CEP72: variants seen among roughly 807,000 people sequenced by gnomAD.
The protein encoded by CEP72 is centrosomal protein 72, also known as centrosomal protein of 72 kDa.
In CEP72, 78 loss-of-function variants were observed where a neutral mutation model predicts 65.7. That is an observed-to-expected ratio of 1.19 (90% confidence interval 0.99 to 1.43). The LOEUF is 1.43. Ranked by LOEUF, CEP72 falls within the 40% of genes most tolerant of loss-of-function variation. The pLI is 0.00. For synonymous variants in CEP72, 358 were observed against 351.7 expected (o/e 1.02, Z -0.20); for missense variants, 914 against 832.9 (o/e 1.10, Z -1.20).
chr5:617,928 G>A (rs2126730970), intron 1 of CEP72, among the ~76,000 whole-genome samples: 1 of 152,326 alleles, frequency 6.6e-6, no homozygotes, highest in East Asian at 1.9e-4. Flanking sequence ...AAGTATTGAT[G>A]TATTCGGATC....
At chr5:657,288 G>A (rs61467544), downstream of CEP72, among the ~76,000 whole-genome samples, 1,493 of 152,196 alleles carry the variant, frequency 9.8e-3, 29 homozygotes, top group African/African-American at 0.034. Context: ...TAAGACTCTC[G>A]GGCAGCATCT....
In CEP72 at chr5:639,233, G is replaced by A; in HGVS notation, c.1342+9G>A. 6.4e-7 allele frequency: 1 copy of A among 1,562,686 alleles called. No homozygotes were observed. The highest frequency in any genetic ancestry group is 8.7e-7 in the Non-Finnish European group (1 of 1,149,276). On this transcript the variant is annotated intron_variant, in intron 8 of 11. Coordinates refer to ENST00000264935, the MANE Select transcript of CEP72 (RefSeq NM_018140.4). ...CAACGAGGCATTCCTTGGTGAGTCA[G>A]GGCGGCCACTGCTCTTGCCCTGTAG...
At position 612,418 on chromosome 5, in the gene CEP72, C is replaced by G. The variant is rs957991968; in HGVS notation, c.57C>G (p.Ser19Arg). Reference protein sequence around the residue: ...VLSEEAVRAKSGLGPHRDLAE... With the variant: ...VLSEEAVRAKRGLGPHRDLAE... ...GCGAGGAGGCGGTTCGGGCGAAGAG[C>G]GGCTTAGGGCCTCACCGCGACCTGG... The change falls in exon 1 of 12, where the codon AGC becomes AGG. Residue 19 changes from serine to arginine, a missense_variant. Ser to Arg is a moderately radical substitution (Grantham distance 110). Transcript: ENST00000264935. 7.4e-6 allele frequency: 11 copies of G among 1,481,618 alleles called. No homozygotes were observed. The highest frequency in any genetic ancestry group is 9.8e-6 in the Non-Finnish European group (11 of 1,120,822). The allele number at this position is 1,481,618 out of a possible 1,614,324, so 91.8% of individuals were successfully genotyped here. A position where few individuals can be genotyped will look rare whatever the true frequency, so the allele number is the denominator to read the frequency against.
chr5:651,059 TG>T (rs145712609), intron 11 of CEP72, among the ~76,000 whole-genome samples: 11 of 49,154 alleles, frequency 2.2e-4, no homozygotes, highest in Admixed American at 2.2e-4. Flanking sequence ...CTGTGAGGTG[TG>T]GACTGTGAGG....
At position 639,099 on chromosome 5, in the gene CEP72, G is replaced by C; in HGVS notation, c.1217G>C (p.Gly406Ala). ...TTGTTTCCATCACAGCCGTCTCCCG[G>C]GTCACACTCGGCTCTACCCGGGAAG... ...GVTDTREPSP[G>A]SHSALPGKKT... Residue 406 changes from glycine (G) to alanine (A), a missense_variant, in exon 8 of 12, where the codon GGG becomes GCG. Transcript: ENST00000264935. 6.2e-7 allele frequency: 1 copy of C among 1,613,358 alleles called. No homozygotes were observed. The highest frequency in any genetic ancestry group is 1.7e-5 in the Admixed American group (1 of 60,010).
Position 624,480 on chromosome 5 carries a change from C to G in CEP72, c.413C>G (p.Pro138Arg), listed in dbSNP as rs1226048853. The G allele has an allele frequency of 6.2e-7, 1 of 1,613,820 alleles. No homozygotes were observed. Among genetic ancestry groups the G allele is most frequent in the African/African-American group, 1.3e-5 (1 of 74,926 alleles). The change falls in exon 4 of 12, where the codon CCC (proline) becomes CGC (arginine). Residue 138 changes from proline to arginine, a missense_variant. Transcript: ENST00000264935. This position sits in a 1 kb window ranked among gnomAD's most constrained non-coding sequence, Gnocchi z 4.7. The part of the protein sequence containing the change: ...LPKLQQLDDR[P>R]VRASERKASR... ...TGGCCTTTTCTTCTAGACGATCGCC[C>G]CGTGAGAGCAAGCGAGCGGAAGGCT...
chr5:658,726 T>G (rs1260633839), downstream of CEP72, among the ~76,000 whole-genome samples: 1 of 131,334 alleles, frequency 7.6e-6, no homozygotes, highest in East Asian at 2.7e-4. Flanking sequence ...TGGAGTGCAG[T>G]GGCGTGATCT....
At chr5:644,563 C>CAG in intron 10 of CEP72, 138 bp downstream of exon 10, 3 of 1,010,290 alleles carry the variant, frequency 3.0e-6, no homozygotes, top group Non-Finnish European at 3.0e-6. Context: ...GAGCCCCTGC[C>CAG]TCACTGGCTG....
At chr5:675,869 CCT>C in the CEP72 span, 1 of 152,168 alleles carries the variant, frequency 6.6e-6, no homozygotes, top group African/African-American at 2.4e-5. Flanking sequence ...GCCACAGCCT[CCT>C]CTCACACCGG....
In CEP72 at chr5:664,885, C is replaced by T. The variant is rs1580070211; in HGVS notation, n.288-295C>T. 1.5e-5 allele frequency: 9 copies of T among 585,210 alleles called. No individual in the cohort carries two copies. The Middle Eastern group carries it at 1.8e-3, about 120-fold the overall frequency. 36.3% of individuals were successfully genotyped at this position (585,210 alleles called of 1,614,324 possible). ...GACGAGGCAGGTGTATTAGGAGGGT[C>T]AGCGAACTGGGGCCCAAACCTGGTT... is the stretch of plus-strand genomic sequence containing the variant. On this transcript the variant is annotated intron_variant and non_coding_transcript_variant, in intron 2 of 4. Coordinates refer to the CEP72 transcript ENST00000514507.
chr5:666,188 G>A, intron 4 of CEP72: 1 of 1,569,488 alleles, frequency 6.4e-7, no homozygotes, highest in Non-Finnish European at 8.6e-7. Context: ...CCCCACGCGT[G>A]GGTCTGAGCA....
At chr5:668,017 C>T (rs1168033542), downstream of CEP72, among the ~76,000 whole-genome samples, 2 of 43,918 alleles carry the variant, frequency 4.6e-5, no homozygotes, top group Admixed American at 4.8e-4. Context: ...GAAGTACCGA[C>T]AAGCACACAG....
Position 624,607 on chromosome 5 carries a change from A to G in CEP72, c.512+28A>G, listed in dbSNP as rs771353364. On this transcript the variant is annotated intron_variant, in intron 4 of 11. Coordinates refer to ENST00000264935, the MANE Select transcript of CEP72 (RefSeq NM_018140.4). The surrounding 1 kb of genome is among the most constrained non-coding windows in gnomAD (Gnocchi z 4.7). ...ATGAACGGAAGTGCTACGGACACCC[A>G]GAGTGTTTCTGACTGGCCTGCTGTC... is the stretch of plus-strand genomic sequence containing the variant. 2 of 1,486,168 alleles carry G rather than the reference A, an allele frequency of 1.3e-6. No homozygotes were observed. The highest frequency in any genetic ancestry group is 2.3e-5 in the South Asian group (2 of 88,504). The allele number at this position is 1,486,168 out of a possible 1,614,324, so 92.1% of individuals were successfully genotyped here.
intron 10 of CEP72, among the ~76,000 whole-genome samples, chr5:646,842 A>G (rs1738460810): frequency 4.6e-5 from 7 of 152,186 alleles, no homozygotes; most frequent in Admixed American, 4.6e-4. Flanking sequence ...AGAGGTGGAC[A>G]TGATGTGTGA....
chr5:626,053 G>C lies in CEP72; in HGVS notation c.512+1474G>C, dbSNP rs534959792. On this transcript the variant is annotated intron_variant, in intron 4 of 11. Transcript: ENST00000264935. The stretch of plus-strand genomic sequence containing the variant: ...CATGTCTTTTGGGTGGGGGGCAGGG[G>C]GGGGCGGCACAGTGCGCCACTCCTG... Among the ~76,000 whole-genome samples the C allele has an allele frequency of 1.8e-3, 280 of 152,218 alleles. 3 individuals are homozygous for C. Among genetic ancestry groups the C allele is most frequent in the African/African-American group, 6.4e-3 (266 of 41,524 alleles).
Position 633,882 on chromosome 5 carries a change from G to A in CEP72, c.626G>A (p.Gly209Asp), listed in dbSNP as rs758408335. The change falls in exon 5 of 12, where the codon GGC (glycine) becomes GAC (aspartate). Residue 209 changes from glycine to aspartate, a missense_variant. Transcript: ENST00000264935. ...NLIAECEWDL[G>D]RPPGSTSFSQ... ...ATTGCAGAGTGCGAGTGGGACCTCGGCAGGCCTCCCGGGAGCACGAGCTTC... is the reference window on the plus strand; with the variant it reads ...ATTGCAGAGTGCGAGTGGGACCTCGACAGGCCTCCCGGGAGCACGAGCTTC... The A allele has an allele frequency of 1.9e-6, 3 of 1,613,422 alleles. No individual in the cohort carries two copies. The African/African-American group carries it at 4.0e-5, about 22-fold the overall frequency.
At chr5:670,056 T>C (rs1740155439), downstream of CEP72, among the ~76,000 whole-genome samples, 1 of 150,318 alleles carries the variant, frequency 6.7e-6, no homozygotes, top group South Asian at 2.2e-4. Flanking sequence ...CTGCGGGGCC[T>C]GGACTTGCTT....
the CEP72 span, among the ~76,000 whole-genome samples, chr5:672,179 G>T: frequency 6.6e-6 from 1 of 152,178 alleles, no homozygotes; most frequent in Non-Finnish European, 1.5e-5. Context: ...CTCCACACTT[G>T]GGGTGACCAC....
In CEP72 at chr5:624,193, C is replaced by G. The variant is rs1001966318; in HGVS notation, c.404-278C>G. 6.6e-6 allele frequency among the ~76,000 whole-genome samples: 1 copy of G among 152,200 alleles called. No individual in the cohort carries two copies. On this transcript the variant is annotated intron_variant, in intron 3 of 11. Coordinates refer to ENST00000264935, the MANE Select transcript of CEP72 (RefSeq NM_018140.4). The surrounding 1 kb of genome is among the most constrained non-coding windows in gnomAD (Gnocchi z 4.7). Reference sequence around the variant, plus strand: ...AATCCCACCCCGCACCCGGTGTGCACTTTAGAGAAAGGGTGTGCGTGTGTG... The same window carrying G: ...AATCCCACCCCGCACCCGGTGTGCAGTTTAGAGAAAGGGTGTGCGTGTGTG...
Sources: allele counts gnomAD v4.1 joint callset (sites outside exome capture counted in the v4.1 genomes callset), GRCh38; gene constraint gnomAD v4.1.1; non-coding constraint Gnocchi (gnomAD v3.1); transcripts MANE v1.5; gene names NCBI Gene and HGNC (gene_info 2026-07-23, HGNC 2026-07-21).